DHX32: variants seen among roughly 807,000 people sequenced by gnomAD.
DHX32 encodes DEAH-box helicase 32 (putative).
In DHX32, 51 loss-of-function variants were observed where a neutral mutation model predicts 70.0. That is an observed-to-expected ratio of 0.73 (90% CI 0.58 to 0.92). DHX32 has a LOEUF of 0.92. DHX32 is among the 40% of genes least tolerant of loss of function. The probability of loss-of-function intolerance (pLI) is 0.00; values close to 1 mark genes in which losing one functional copy is unlikely to be tolerated. For synonymous variants in DHX32, 310 were observed against 315.3 expected (o/e 0.98, Z 0.18); for missense variants, 762 against 891.8 (o/e 0.85, Z 1.85).
At chr10:125,877,587 T>C (rs1329397209) in intron 1 of DHX32, among the ~76,000 whole-genome samples, 2 of 152,172 alleles carry the variant, frequency 1.3e-5, no homozygotes, top group African/African-American at 4.8e-5. Flanking sequence ...CTCAAGAGGC[T>C]GAGGCACAAG....
intron 8 of DHX32, 127 bp downstream of exon 8, chr10:125,840,720 A>G: frequency 9.3e-7 from 1 of 1,073,986 alleles, no homozygotes; most frequent in South Asian, 2.1e-5. Flanking sequence ...TTAGGGCCTC[A>G]AGTGCCATTG....
At chr10:125,846,635 C>G (rs1472961294) in intron 6 of DHX32, among the ~76,000 whole-genome samples, 1 of 152,168 alleles carries the variant, frequency 6.6e-6, no homozygotes, top group Non-Finnish European at 1.5e-5. Context: ...ACTGGAAATG[C>G]ACTTTTACCT....
chr10:125,889,227 A>G (rs1017500291), intron 1 of DHX32, among the ~76,000 whole-genome samples: 25 of 152,316 alleles, frequency 1.6e-4, no homozygotes, highest in Non-Finnish European at 3.2e-4. Context: ...GGTTTATGGT[A>G]GACTTCCTAA....
At chr10:125,885,447 GC>G (rs1206526062), upstream of DHX32, among the ~76,000 whole-genome samples, 1 of 152,098 alleles carries the variant, frequency 6.6e-6, no homozygotes, top group Admixed American at 6.6e-5. Context: ...GACCCTCCTA[GC>G]CACAGTCAGA....
chr10:125,845,092 C>T (rs901013093), intron 6 of DHX32, among the ~76,000 whole-genome samples: 6 of 152,182 alleles, frequency 3.9e-5, no homozygotes, highest in Non-Finnish European at 5.9e-5. Flanking sequence ...GAGGAGGAGC[C>T]GATGCAGCGC....
intron 1 of DHX32, among the ~76,000 whole-genome samples, chr10:125,887,428 A>G (rs146362749): frequency 0.021 from 3,170 of 152,304 alleles, 117 homozygotes; most frequent in African/African-American, 0.071. Flanking sequence ...ACTTTGGTAC[A>G]AGATGAGTTC....
At chr10:125,837,782 T>G (rs1270072114) in intron 10 of DHX32, among the ~76,000 whole-genome samples, 2 of 152,180 alleles carry the variant, frequency 1.3e-5, no homozygotes, top group Non-Finnish European at 2.9e-5. Context: ...TGCACTTAGA[T>G]AAAATATAAA....
In DHX32 at chr10:125,867,191, A is replaced by G. The variant is rs1944225711; in HGVS notation, c.283-8T>C. The stretch of plus-strand genomic sequence containing the variant: ...AGCACACCACTGAGGAACCTGTAGC[A>G]GGAAAAAATGAGACAGGATCAGCTT... On this transcript the variant is annotated splice_region_variant and splice_polypyrimidine_tract_variant and intron_variant, in intron 1 of 10. Transcript: ENST00000284690. 1 of 1,591,338 alleles carries G rather than the reference A, an allele frequency of 6.3e-7. No homozygotes were observed. The highest frequency in any genetic ancestry group is 8.6e-7 in the Non-Finnish European group (1 of 1,166,240).
chr10:125,854,861 A>T (rs1029951548), intron 3 of DHX32: 12 of 152,228 alleles, frequency 7.9e-5, no homozygotes, highest in African/African-American at 2.7e-4. Flanking sequence ...AATGAGAACA[A>T]AACGTTTTCT....
chr10:125,862,171 T>A (rs1944194089), intron 2 of DHX32, among the ~76,000 whole-genome samples: 2 of 152,212 alleles, frequency 1.3e-5, no homozygotes, highest in Admixed American at 1.3e-4. Context: ...TTCTATCTGT[T>A]GTCACTGTCA....
Position 125,853,951 on chromosome 10 carries a change from TA to T in DHX32, c.1092+9del, listed in dbSNP as rs1289447322. ...TCAGCAGTCTGTTTAGCCTACTCAA[TA>T]ATAATTACCTTTCTTCTTTCCACAC... On this transcript the variant is annotated intron_variant, in intron 4 of 10. Coordinates refer to ENST00000284690, the MANE Select transcript of DHX32 (RefSeq NM_018180.3). 6.2e-7 allele frequency: 1 copy of T among 1,612,534 alleles called. No individual in the cohort carries two copies. Among genetic ancestry groups the T allele is most frequent in the Non-Finnish European group, 8.5e-7 (1 of 1,179,504 alleles).
In DHX32 at chr10:125,862,876, A is replaced by C. The variant is rs184697022; in HGVS notation, c.477-2901T>G. Among the ~76,000 whole-genome samples the C allele has an allele frequency of 3.5e-3, 538 of 152,124 alleles. 2 individuals carry two copies. Among genetic ancestry groups the C allele is most frequent in the African/African-American group, 0.012 (499 of 41,520 alleles). The stretch of plus-strand genomic sequence containing the variant: ...AACTCAAAACAAAGCAAAAAAAAAA[A>C]CTACTTTTTTTCTATATAACACAAA... On this transcript the variant is annotated intron_variant, in intron 2 of 10. Coordinates refer to ENST00000284690, the MANE Select transcript of DHX32 (RefSeq NM_018180.3).
rs747820971 is a variant in DHX32 at position 125,841,911 on chromosome 10, A to G, written c.1375T>C (p.Leu459=). Residue 459 remains leucine, a synonymous_variant, in exon 7 of 11, where the codon TTG becomes CTG. Coordinates refer to ENST00000284690, the MANE Select transcript of DHX32 (RefSeq NM_018180.3). ...RPAPESLMQA[L]EDLDYLAALD... is the part of the protein sequence containing the mutation. ...GCTGCCAGATAATCTAAGTCTTCCA[A>G]TGCCTGCATCAAACTTTCTGGTGCT... 18 of 1,601,534 alleles carry G rather than the reference A, an allele frequency of 1.1e-5. No homozygotes were observed. Among genetic ancestry groups the G allele is most frequent in the Admixed American group, 5.3e-5 (3 of 57,020 alleles).
At chr10:125,839,588 C>G (rs1307060991) in intron 8 of DHX32, among the ~76,000 whole-genome samples, 2 of 152,182 alleles carry the variant, frequency 1.3e-5, no homozygotes, top group African/African-American at 2.4e-5. Context: ...TCAAACTAGG[C>G]AGGAAAAAGC....
chr10:125,844,977 T>C (rs1225846811), intron 6 of DHX32, among the ~76,000 whole-genome samples: 1 of 152,244 alleles, frequency 6.6e-6, no homozygotes, highest in East Asian at 1.9e-4. Context: ...TGTGCCTGTT[T>C]TCTGTGGAAC....
chr10:125,887,222 A>G (rs1398186128), intron 1 of DHX32, among the ~76,000 whole-genome samples: 1 of 152,130 alleles, frequency 6.6e-6, no homozygotes, highest in African/African-American at 2.4e-5. Context: ...TACCTGTTCA[A>G]CCAATACTTG....
chr10:125,868,950 C>A (rs760747948), intron 1 of DHX32, among the ~76,000 whole-genome samples: 7 of 152,054 alleles, frequency 4.6e-5, no homozygotes, highest in Non-Finnish European at 1.0e-4. Context: ...TACCTAACGG[C>A]CCCTCAAATG....
chr10:125,846,242 ACT>A (rs1315375542), intron 6 of DHX32, among the ~76,000 whole-genome samples: 2 of 151,550 alleles, frequency 1.3e-5, no homozygotes, highest in Non-Finnish European at 2.9e-5. Flanking sequence ...CTAGCTGAAG[ACT>A]CTCCCCACCC....
In DHX32 at chr10:125,839,016, G is replaced by A. The variant is rs373773677; in HGVS notation, c.1866C>T (p.Ser622=). 6.7e-5 allele frequency: 108 copies of A among 1,613,742 alleles called. No homozygotes were observed. Among genetic ancestry groups the A allele is most frequent in the East Asian group, 3.6e-4 (16 of 44,894 alleles). Residue 622 remains serine, a synonymous_variant, in exon 9 of 11, where the codon TCC becomes TCT. Transcript: ENST00000284690. ...NTLNIKKALL[S]GYFMQIARDV... ...CCCTTCTCACCTGCATAAAGTAACC[G>A]GACAGAAGAGCTTTCTTTATGTTTA...
Sources: allele counts gnomAD v4.1 joint callset (sites outside exome capture counted in the v4.1 genomes callset), GRCh38; gene constraint gnomAD v4.1.1; transcripts MANE v1.5; gene names NCBI Gene and HGNC (gene_info 2026-07-23, HGNC 2026-07-21).